The following UBXN8 variants were observed in gnomAD, a reference collection of about 807,000 sequenced individuals.
The protein encoded by UBXN8 is UBX domain protein 8, also known as UBX domain-containing protein 8.
A neutral mutation model predicts 32.1 loss-of-function variants in UBXN8; 27 were observed. The ratio of observed to expected loss-of-function variants is 0.84; its 90% CI spans 0.62 to 1.16. The LOEUF (loss-of-function observed/expected upper bound fraction) is 1.16. Among genes scored for constraint, UBXN8 ranks in the 50% most tolerant of loss-of-function variants. The probability of loss-of-function intolerance (pLI) is 0.00; values close to 1 mark genes in which losing one functional copy is unlikely to be tolerated. For synonymous variants in UBXN8, 109 were observed against 111.8 expected (o/e 0.98, Z 0.16); for missense variants, 306 against 311.4 (o/e 0.98, Z 0.13).
chr8:30,732,096 TC>T (rs1184876694), upstream of UBXN8, among the ~76,000 whole-genome samples: 1 of 152,100 alleles, frequency 6.6e-6, no homozygotes, highest in Non-Finnish European at 1.5e-5. Flanking sequence ...AGTGGGAAGA[TC>T]CGGAGTCAGG....
rs376401934 is a variant in UBXN8, at chr8:30,736,146, T to C, written c.622+2838T>C. 4.6e-5 allele frequency among the ~76,000 whole-genome samples: 7 copies of C among 152,264 alleles called. No homozygotes were observed. In the East Asian group the frequency reaches 9.7e-4, roughly 21 times the overall value. Reference sequence around the variant, plus strand: ...CCAATATCAGTGTTTAATATTGAGATGAAAGATAAACACTGAAGAGGCAGA... The same window carrying C: ...CCAATATCAGTGTTTAATATTGAGACGAAAGATAAACACTGAAGAGGCAGA... On this transcript the variant is annotated intron_variant, in intron 1 of 1. Coordinates refer to the UBXN8 transcript ENST00000522968.
intron 1 of UBXN8, among the ~76,000 whole-genome samples, chr8:30,735,389 G>C (rs1163976439): frequency 7.1e-6 from 1 of 140,678 alleles, no homozygotes; most frequent in African/African-American, 2.9e-5. Context: ...GGAAAACCCC[G>C]TCTCTACTAA....
At chr8:30,743,154 CTTTCT>C (rs1188060438), upstream of UBXN8, among the ~76,000 whole-genome samples, 1 of 75,498 alleles carries the variant, frequency 1.3e-5, no homozygotes, top group African/African-American at 5.0e-5. Flanking sequence ...TAATTTCTTT[CTTTCT>C]TTTTTTTTTT....
chr8:30,766,696 C>G lies in UBXN8; in HGVS notation c.*302C>G, dbSNP rs1163502035. The G allele has an allele frequency of 6.0e-6, 1 of 166,418 alleles. No individual in the cohort carries two copies. Among genetic ancestry groups the G allele is most frequent in the Non-Finnish European group, 1.3e-5 (1 of 77,272 alleles). The allele number at this position is 166,418 out of a possible 1,614,324, so 10.3% of individuals were successfully genotyped here. A position where few individuals can be genotyped will look rare whatever the true frequency, so the allele number is the denominator to read the frequency against. ...TGATTTCTCAGTGTTAGAAAACAAA[C>G]CCTTAGAACTTTCCTTTCTGCCTCT... is the stretch of plus-strand genomic sequence containing the variant. On this transcript the variant is annotated 3_prime_UTR_variant, in exon 8 of 8. Coordinates refer to ENST00000265616, the MANE Select transcript of UBXN8 (RefSeq NM_005671.4).
intron 7 of UBXN8, among the ~76,000 whole-genome samples, chr8:30,765,398 T>C (rs1404336890): frequency 1.3e-5 from 2 of 152,090 alleles, no homozygotes; most frequent in Non-Finnish European, 1.5e-5. Flanking sequence ...CCTCACCTCC[T>C]GAGTATCTGG....
At chr8:30,747,918 T>C (rs2911692) in intron 1 of UBXN8, among the ~76,000 whole-genome samples, 1 of 110,450 alleles carries the variant, frequency 9.1e-6, no homozygotes, top group African/African-American at 4.1e-5. Context: ...TTTTTTTTTT[T>C]GCTACCTTTG....
chr8:30,742,878 CTA>C (rs1404241687), upstream of UBXN8, among the ~76,000 whole-genome samples: 1 of 151,638 alleles, frequency 6.6e-6, no homozygotes, highest in Non-Finnish European at 1.5e-5. Context: ...GCTTACAGGG[CTA>C]TCTTTCCCAG....
chr8:30,755,098 GGC>G (rs1458371894), intron 4 of UBXN8, among the ~76,000 whole-genome samples: 8 of 151,824 alleles, frequency 5.3e-5, no homozygotes, highest in Admixed American at 4.6e-4. Flanking sequence ...TGGGACTACA[GGC>G]GCCTGCCACC....
chr8:30,743,724 C>A (rs1007508385), upstream of UBXN8, among the ~76,000 whole-genome samples: 1 of 152,186 alleles, frequency 6.6e-6, no homozygotes, highest in Non-Finnish European at 1.5e-5. Flanking sequence ...CCAGAGACTG[C>A]GGACGGGGCC....
intron 1 of UBXN8, among the ~76,000 whole-genome samples, chr8:30,749,862 C>A (rs1350456685): frequency 2.0e-5 from 3 of 152,050 alleles, no homozygotes; most frequent in Non-Finnish European, 4.4e-5. Flanking sequence ...CCTCGGCCTC[C>A]CAAAGTGCTG....
At chr8:30,743,163 T>C (rs2128752653), upstream of UBXN8, among the ~76,000 whole-genome samples, 1 of 145,388 alleles carries the variant, frequency 6.9e-6, no homozygotes, top group African/African-American at 2.5e-5. Context: ...TCTTTCTTTT[T>C]TTTTTTTTTT....
At chr8:30,731,959 G>T (rs2128751400), upstream of UBXN8, among the ~76,000 whole-genome samples, 1 of 152,332 alleles carries the variant, frequency 6.6e-6, no homozygotes, top group East Asian at 1.9e-4. Context: ...ACATCCAACA[G>T]TACCTAACCC....
At chr8:30,735,308 A>C (rs908435959) in intron 1 of UBXN8, among the ~76,000 whole-genome samples, 3 of 152,250 alleles carry the variant, frequency 2.0e-5, no homozygotes, top group Non-Finnish European at 4.4e-5. Context: ...AAGCCTATTA[A>C]CCATTATTAG....
intron 6 of UBXN8, among the ~76,000 whole-genome samples, chr8:30,761,431 G>A (rs1022927778): frequency 6.6e-6 from 1 of 152,158 alleles, no homozygotes; most frequent in Non-Finnish European, 1.5e-5. Context: ...TTTTAGTAGA[G>A]ACGGGGTTTT....
At chr8:30,737,351 T>C (rs7000217) in intron 1 of UBXN8, among the ~76,000 whole-genome samples, 37,677 of 151,942 alleles carry the variant, frequency 0.25, 5,281 homozygotes, top group African/African-American at 0.39. Context: ...TGGATGAGGC[T>C]CACACACATA....
At position 30,748,575 on chromosome 8, in the gene UBXN8, C is replaced by A. The variant is rs188523750; in HGVS notation, c.89-2821C>A. ...TTTTTTTTTGAGACAGAGTTTCACT[C>A]TGTTGCCCAGGCTAGAGTGCAATGG... is the stretch of plus-strand genomic sequence containing the variant. On this transcript the variant is annotated intron_variant, in intron 1 of 7. Coordinates refer to ENST00000265616, the MANE Select transcript of UBXN8 (RefSeq NM_005671.4). 1.6e-4 allele frequency among the ~76,000 whole-genome samples: 24 copies of A among 151,698 alleles called. 1 individual carries two copies. Among genetic ancestry groups the A allele is most frequent in the African/African-American group, 5.6e-4 (23 of 41,374 alleles).
chr8:30,763,384 G>T (rs771191069), intron 7 of UBXN8, 37 bp downstream of exon 7: 1 of 1,590,346 alleles, frequency 6.3e-7, no homozygotes, highest in Admixed American at 1.7e-5. Flanking sequence ...AAATATCTTT[G>T]TTGAATATGG....
At chr8:30,747,502 G>C (rs1805394152) in intron 1 of UBXN8, among the ~76,000 whole-genome samples, 1 of 139,268 alleles carries the variant, frequency 7.2e-6, no homozygotes. Flanking sequence ...GTAGAGACGG[G>C]GTTTCACCAT....
chr8:30,744,146 C>T (rs562213706), upstream of UBXN8: 3 of 1,587,630 alleles, frequency 1.9e-6, no homozygotes, highest in Non-Finnish European at 2.6e-6. Flanking sequence ...AAAACGCGGC[C>T]GGAAGGGGCG....
Sources: gnomAD v4.1 joint callset for allele counts (sites outside exome capture counted in the v4.1 genomes callset) on GRCh38, gnomAD v4.1.1 for gene constraint, MANE v1.5 for transcripts, NCBI Gene and HGNC (gene_info 2026-07-23, HGNC 2026-07-21) for gene names.